The following CHEK2 variants were observed in gnomAD, a reference collection of about 807,000 sequenced individuals.
CHEK2 encodes the protein checkpoint kinase 2, also known as serine/threonine-protein kinase Chk2.
Under a neutral mutation model 69.1 loss-of-function variants are expected in CHEK2, and 71 were observed. The ratio of observed to expected loss-of-function variants is 1.03; its 90% CI spans 0.85 to 1.25. The LOEUF (loss-of-function observed/expected upper bound fraction) is 1.25, where lower values mean the gene tolerates loss of function less well. CHEK2 is among the 50% of genes most tolerant of loss of function. CHEK2 has a pLI of 0.00. For missense variants in CHEK2, 664 were observed against 649.6 expected, an observed-to-expected ratio of 1.02 and a Z score of -0.24; for synonymous variants, 189 against 226.9, an observed-to-expected ratio of 0.83 and a Z score of 1.50.
In CHEK2 at chr22:28,725,253, C is replaced by G. The variant is rs587781667; in HGVS notation, c.434G>C (p.Arg145Pro). 3 of 1,614,050 alleles carry G rather than the reference C, an allele frequency of 1.9e-6. No homozygotes were observed. Among genetic ancestry groups the G allele is most frequent in the South Asian group, 2.2e-5 (2 of 91,084 alleles). Residue 145 changes from arginine to proline, a missense_variant, in exon 3 of 15, where the codon CGG becomes CCG. Physicochemically the swap from Arg to Pro is moderately radical, Grantham distance 103. Coordinates refer to ENST00000404276, the MANE Select transcript of CHEK2 (RefSeq NM_007194.4). ...KYRTYSKKHF[R>P]IFREVGPKNS... Reference sequence around the variant, plus strand: ...GTATTCATTACCTACCCTGAAAATCCGAAAGTGTTTCTTGCTGTATGTTCG... The same window carrying G: ...GTATTCATTACCTACCCTGAAAATCGGAAAGTGTTTCTTGCTGTATGTTCG...
chr22:28,706,298 TCACA>T (rs113795955), intron 7 of CHEK2, among the ~76,000 whole-genome samples: 1,585 of 147,784 alleles, frequency 0.011, 13 homozygotes, highest in South Asian at 0.031. Flanking sequence ...ACACTCCAGC[TCACA>T]CACACACACA....
At chr22:28,734,289 G>T in intron 2 of CHEK2, 114 bp downstream of exon 2, 2 of 949,842 alleles carry the variant, frequency 2.1e-6, no homozygotes, top group African/African-American at 1.6e-5. Flanking sequence ...TCAATTATTT[G>T]TTCAACGTGC....
At chr22:28,718,712 T>C (rs566139477) in intron 5 of CHEK2, among the ~76,000 whole-genome samples, 1 of 149,624 alleles carries the variant, frequency 6.7e-6, no homozygotes, top group Non-Finnish European at 1.5e-5. Flanking sequence ...TAATACCCCA[T>C]CTCTACACAA....
intron 5 of CHEK2, among the ~76,000 whole-genome samples, chr22:28,717,657 C>T (rs1349723233): frequency 6.6e-6 from 1 of 151,928 alleles, no homozygotes; most frequent in Non-Finnish European, 1.5e-5. Flanking sequence ...GGCAGATCAC[C>T]TGAGGTCAGG....
chr22:28,705,883 C>T (rs1011800047), intron 7 of CHEK2, among the ~76,000 whole-genome samples: 3 of 152,020 alleles, frequency 2.0e-5, no homozygotes, highest in African/African-American at 7.2e-5. Flanking sequence ...GCAGAGTTTG[C>T]AGTGAGCCTA....
intron 5 of CHEK2, among the ~76,000 whole-genome samples, chr22:28,716,644 A>G (rs1189807896): frequency 6.6e-6 from 1 of 152,266 alleles, no homozygotes; most frequent in East Asian, 1.9e-4. Context: ...TGTTGCAGGA[A>G]TATGGATGAT....
chr22:28,720,665 C>T (rs2053743457), intron 4 of CHEK2, among the ~76,000 whole-genome samples: 1 of 152,170 alleles, frequency 6.6e-6, no homozygotes, highest in Admixed American at 6.5e-5. Context: ...TCTGAGCCAC[C>T]TGAGTATATT....
rs1555912010 is a variant in CHEK2 at position 28,689,161 on chromosome 22, T to C, written c.1516A>G (p.Thr506Ala). ...QDLLSEENES[T>A]ALPQVLAQPS... ...TGGGCTAGAACCTGGGGTAGAGCTG[T>C]GGATTCATTTTCCTCAGACAGAAGA... The change falls in exon 14 of 15, where the codon ACA (threonine) becomes GCA (alanine). Residue 506 changes from threonine (T) to alanine (A), a missense_variant. Thr to Ala is a moderately conservative substitution (Grantham distance 58). Coordinates refer to ENST00000404276, the MANE Select transcript of CHEK2 (RefSeq NM_007194.4). 6.3e-7 allele frequency: 1 copy of C among 1,595,432 alleles called. No homozygotes were observed. Among genetic ancestry groups the C allele is most frequent in the African/African-American group, 1.3e-5 (1 of 74,960 alleles).
chr22:28,711,892 CT>C lies in CHEK2; in HGVS notation c.792+16del. 1 of 1,535,560 alleles carries C rather than the reference CT, an allele frequency of 6.5e-7. No individual in the cohort carries two copies. ...GACGTGTTAATAAAAGGTGATCAGC[CT>C]TTTATTGGTACTTACTGCCTCTCTT... On this transcript the variant is annotated intron_variant, in intron 6 of 14. Transcript: ENST00000404276.
intron 13 of CHEK2, among the ~76,000 whole-genome samples, chr22:28,690,181 T>G (rs1206069575): frequency 1.3e-5 from 2 of 152,102 alleles, no homozygotes; most frequent in African/African-American, 4.8e-5. Flanking sequence ...ATTTGGCAAT[T>G]TGATGGATAT....
intron 2 of CHEK2, among the ~76,000 whole-genome samples, chr22:28,730,922 G>A (rs1280238777): frequency 6.6e-6 from 1 of 152,104 alleles, no homozygotes; most frequent in Non-Finnish European, 1.5e-5. Flanking sequence ...GCTAAAACTA[G>A]GCCAGGCACT....
intron 7 of CHEK2, among the ~76,000 whole-genome samples, chr22:28,706,847 C>T (rs1487275993): frequency 2.0e-5 from 3 of 151,298 alleles, no homozygotes; most frequent in African/African-American, 7.4e-5. Context: ...ACCCTGGAGG[C>T]GGAGGTTGCA....
At position 28,696,926 on chromosome 22, in the gene CHEK2, G is replaced by A. The variant is rs765425451; in HGVS notation, c.1070C>T (p.Ser357Phe). Residue 357 changes from serine (S) to phenylalanine (F), a missense_variant, in exon 10 of 15, where the codon TCT (serine) becomes TTT (phenylalanine). Coordinates refer to ENST00000404276, the MANE Select transcript of CHEK2 (RefSeq NM_007194.4). ...CTTTATAAGACAGTCCTCTTCTTGAGATGACAGTAAAACATTCTCTGGCTT... is the reference window on the plus strand; with the variant it reads ...CTTTATAAGACAGTCCTCTTCTTGAAATGACAGTAAAACATTCTCTGGCTT... ...DLKPENVLLS[S>F]QEEDCLIKIT... is the part of the protein sequence containing the mutation. The A allele has an allele frequency of 5.0e-6, 8 of 1,612,794 alleles. No homozygotes were observed. Among genetic ancestry groups the A allele is most frequent in the Non-Finnish European group, 6.8e-6 (8 of 1,178,862 alleles).
At chr22:28,721,581 C>A in intron 4 of CHEK2, 1 of 459,544 alleles carries the variant, frequency 2.2e-6, no homozygotes, top group Non-Finnish European at 4.5e-6. Context: ...GCCACCGCGC[C>A]CCGCCGTATT....
chr22:28,722,993 A>G (rs1031216600), intron 4 of CHEK2, among the ~76,000 whole-genome samples: 1 of 152,194 alleles, frequency 6.6e-6, no homozygotes, highest in South Asian at 2.1e-4. Flanking sequence ...CGACTCTCAG[A>G]TAAGTTTGGG....
chr22:28,718,551 G>A (rs1020913795), intron 5 of CHEK2, among the ~76,000 whole-genome samples: 3 of 152,180 alleles, frequency 2.0e-5, no homozygotes, highest in East Asian at 1.9e-4. Flanking sequence ...ATGAATGAAC[G>A]GACAAAGTAA....
chr22:28,734,337 G>A, intron 2 of CHEK2, 66 bp downstream of exon 2: 1 of 1,500,502 alleles, frequency 6.7e-7, no homozygotes, highest in East Asian at 2.3e-5. Context: ...CCTTCCACCT[G>A]GTAATACAAC....
intron 7 of CHEK2, among the ~76,000 whole-genome samples, chr22:28,709,655 C>T (rs1345874234): frequency 2.0e-5 from 3 of 152,034 alleles, no homozygotes; most frequent in South Asian, 2.1e-4. Flanking sequence ...CTCACTCTGT[C>T]GCCCAGGCTG....
At position 28,699,839 on chromosome 22, in the gene CHEK2, T is replaced by G. The variant is rs1300388084; in HGVS notation, c.1007A>C (p.Gln336Pro). ...LYFYQMLLAVQYLHENGIIHR... is the reference protein window; with the variant it reads ...LYFYQMLLAVPYLHENGIIHR... ...AAAAGAATTGAGGGCTTCTTTTACCTGCACAGCCAAGAGCATCTGGTAAAA... is the reference window on the plus strand; with the variant it reads ...AAAAGAATTGAGGGCTTCTTTTACCGGCACAGCCAAGAGCATCTGGTAAAA... The change falls in exon 9 of 15, where the codon CAG becomes CCG. Residue 336 changes from glutamine (Q) to proline (P), a missense_variant and splice_region_variant. Gln to Pro is a moderately conservative substitution (Grantham distance 76). Transcript: ENST00000404276. The G allele has an allele frequency of 6.2e-7, 1 of 1,609,912 alleles. No homozygotes were observed. The highest frequency in any genetic ancestry group is 1.1e-5 in the South Asian group (1 of 90,994).
Sources: allele counts gnomAD v4.1 joint callset (sites outside exome capture counted in the v4.1 genomes callset), GRCh38; gene constraint gnomAD v4.1.1; transcripts MANE v1.5; gene names NCBI Gene and HGNC (gene_info 2026-07-23, HGNC 2026-07-21).